The following STXBP4 variants were observed in gnomAD, a reference collection of about 807,000 sequenced individuals.
STXBP4 encodes syntaxin binding protein 4.
A neutral mutation model predicts 76.1 loss-of-function variants in STXBP4; 55 were observed. That is an observed-to-expected ratio of 0.72 (90% CI 0.58 to 0.91). The LOEUF (loss-of-function observed/expected upper bound fraction) is 0.91. STXBP4 is among the 40% of genes least tolerant of loss of function. The pLI is 0.00. For synonymous variants in STXBP4, 201 were observed against 220.2 expected (o/e 0.91, Z 0.77); for missense variants, 618 against 636.9 (o/e 0.97, Z 0.32).
intron 1 of STXBP4, among the ~76,000 whole-genome samples, 181 bp from the exon 2 acceptor site, chr17:54,985,433 C>T (rs758782326): frequency 5.9e-5 from 9 of 152,214 alleles, no homozygotes; most frequent in Non-Finnish European, 1.2e-4. Context: ...GAGAGTTGTA[C>T]TAAATGATCC....
At chr17:55,192,175 A>C in the STXBP4 span, among the ~76,000 whole-genome samples, 1 of 152,206 alleles carries the variant, frequency 6.6e-6, no homozygotes, top group Non-Finnish European at 1.5e-5. Flanking sequence ...GAATTGATAA[A>C]AAGACAAAGG....
intron 16 of STXBP4, among the ~76,000 whole-genome samples, chr17:55,115,727 A>T (rs2079773192): frequency 6.6e-6 from 1 of 151,926 alleles, no homozygotes; most frequent in African/African-American, 2.4e-5. Context: ...TTCCTCAGCG[A>T]AACTCTTCCA....
chr17:55,108,504 A>G (rs969880992), intron 16 of STXBP4, among the ~76,000 whole-genome samples: 1 of 152,132 alleles, frequency 6.6e-6, no homozygotes. Flanking sequence ...ATGGCTGCCC[A>G]GTTTTGTGCT....
At chr17:54,979,452 A>G (rs1049503637) in intron 1 of STXBP4, among the ~76,000 whole-genome samples, 1 of 152,110 alleles carries the variant, frequency 6.6e-6, no homozygotes, top group African/African-American at 2.4e-5. Context: ...TCTCTCCTTT[A>G]TGCCCCTGGA....
chr17:55,079,516 G>T (rs569041883), intron 15 of STXBP4, among the ~76,000 whole-genome samples: 89 of 151,604 alleles, frequency 5.9e-4, no homozygotes, highest in Admixed American at 9.9e-4. Flanking sequence ...CCAGTATTTT[G>T]GGAGGCTGAG....
chr17:55,185,242 T>TCTTCTTCTTCTTCTTCTTCTTCTTCTC, the STXBP4 span, among the ~76,000 whole-genome samples: 5 of 50,400 alleles, frequency 9.9e-5, no homozygotes, highest in African/African-American at 5.2e-4. Flanking sequence ...TTCTTCTTCT[T>TCTTCTTCTTCTTCTTCTTCTTCTTCTC]CTTCTTCTCC....
chr17:55,159,871 A>G lies in STXBP4; in HGVS notation c.1622A>G (p.Glu541Gly). The change falls in exon 18 of 18, where the codon GAA becomes GGA. Residue 541 changes from glutamate (E) to glycine (G), a missense_variant. Transcript: ENST00000376352. ...VLNLSRSEENEEDCSRELPNQ... is the reference protein window; with the variant it reads ...VLNLSRSEENGEDCSRELPNQ... ...AATCTATCTCGCTCAGAGGAGAATGAAGAGGATTGCTCTAGAGAACTCCCC... is the reference window on the plus strand; with the variant it reads ...AATCTATCTCGCTCAGAGGAGAATGGAGAGGATTGCTCTAGAGAACTCCCC... The G allele has an allele frequency of 6.2e-7, 1 of 1,613,982 alleles. No homozygotes were observed. The highest frequency in any genetic ancestry group is 8.5e-7 in the Non-Finnish European group (1 of 1,179,902).
the STXBP4 span, among the ~76,000 whole-genome samples, chr17:55,193,815 GAA>G: frequency 4.0e-3 from 420 of 105,872 alleles, 4 homozygotes; most frequent in African/African-American, 0.014. Context: ...CCTGATTTCA[GAA>G]AAAAAAAAAA....
At chr17:55,176,992 C>T (rs549790710), downstream of STXBP4, among the ~76,000 whole-genome samples, 2 of 152,236 alleles carry the variant, frequency 1.3e-5, no homozygotes, top group Admixed American at 1.3e-4. Flanking sequence ...CATCATTGGC[C>T]CCCACCAGTT....
chr17:55,147,235 G>A (rs1239727546), intron 17 of STXBP4, among the ~76,000 whole-genome samples: 1 of 152,128 alleles, frequency 6.6e-6, no homozygotes, highest in Non-Finnish European at 1.5e-5. Flanking sequence ...CCAGGGGGTA[G>A]GGGGACGGTT....
At chr17:55,033,376 A>AAAAT (rs992621421) in intron 9 of STXBP4, among the ~76,000 whole-genome samples, 4 of 152,050 alleles carry the variant, frequency 2.6e-5, no homozygotes, top group Admixed American at 6.6e-5. Context: ...TCCATCTCAA[A>AAAAT]AAATAAATAA....
At chr17:55,180,554 C>T in the STXBP4 span, among the ~76,000 whole-genome samples, 1 of 49,758 alleles carries the variant, frequency 2.0e-5, no homozygotes, top group Non-Finnish European at 4.1e-5. Flanking sequence ...TAATTGCAAA[C>T]CACCAGTCTA....
chr17:55,147,856 G>A (rs2080174360), intron 17 of STXBP4, among the ~76,000 whole-genome samples: 1 of 152,216 alleles, frequency 6.6e-6, no homozygotes, highest in Non-Finnish European at 1.5e-5. Flanking sequence ...CTTCACTGAT[G>A]TATGCCTTGA....
intron 9 of STXBP4, among the ~76,000 whole-genome samples, chr17:55,032,089 T>C (rs902844904): frequency 2.0e-5 from 3 of 152,216 alleles, no homozygotes; most frequent in Non-Finnish European, 4.4e-5. Context: ...TTGATACATA[T>C]TGGTAAATTG....
chr17:55,056,600 A>G (rs1246326422), intron 12 of STXBP4, among the ~76,000 whole-genome samples: 1 of 152,306 alleles, frequency 6.6e-6, no homozygotes, highest in African/African-American at 2.4e-5. Context: ...TTGTCAGCTC[A>G]GTATTATTAG....
the STXBP4 span, among the ~76,000 whole-genome samples, chr17:55,203,644 C>T: frequency 6.6e-6 from 1 of 152,074 alleles, no homozygotes. Context: ...TACATTTTAG[C>T]ACAATATAAG....
intron 12 of STXBP4, among the ~76,000 whole-genome samples, chr17:55,052,406 G>A (rs1014070852): frequency 5.9e-5 from 9 of 152,106 alleles, no homozygotes; most frequent in Admixed American, 2.0e-4. Flanking sequence ...GGTATCATTC[G>A]TAAATTGATT....
intron 9 of STXBP4, among the ~76,000 whole-genome samples, chr17:55,032,224 T>C (rs1233749920): frequency 1.3e-5 from 2 of 152,190 alleles, no homozygotes; most frequent in Non-Finnish European, 2.9e-5. Context: ...CATTGTATTA[T>C]TTATAAAGCA....
chr17:55,161,197 T>C lies in STXBP4; in HGVS notation c.*1286T>C, dbSNP rs1230025601. The C allele has an allele frequency of 6.6e-6, 1 of 152,222 alleles. No individual in the cohort carries two copies. Among genetic ancestry groups the C allele is most frequent in the East Asian group, 1.9e-4 (1 of 5,202 alleles). The allele number at this position is 152,222 out of a possible 1,614,324, so 9.4% of individuals were successfully genotyped here. A position where few individuals can be genotyped will look rare whatever the true frequency, so the allele number is the denominator to read the frequency against. ...GTAAAGATATACATATACATTGTGCTCAACTATACATTCCTGAATCCATTT... is the reference window on the plus strand; with the variant it reads ...GTAAAGATATACATATACATTGTGCCCAACTATACATTCCTGAATCCATTT... On this transcript the variant is annotated 3_prime_UTR_variant, in exon 18 of 18. Coordinates refer to ENST00000376352, the MANE Select transcript of STXBP4 (RefSeq NM_178509.6).
Sources: gnomAD v4.1 joint callset for allele counts (sites outside exome capture counted in the v4.1 genomes callset) on GRCh38, gnomAD v4.1.1 for gene constraint, MANE v1.5 for transcripts, NCBI Gene and HGNC (gene_info 2026-07-23, HGNC 2026-07-21) for gene names.